IQCM: variants seen among roughly 807,000 people sequenced by gnomAD.
IQCM encodes IQ domain-containing protein M.
Under a neutral mutation model 57.6 loss-of-function variants are expected in IQCM, and 45 were observed. The ratio of observed to expected loss-of-function variants is 0.78; its 90% CI spans 0.62 to 1.00. The LOEUF (loss-of-function observed/expected upper bound fraction) is 1.00. Ranked by LOEUF, IQCM falls within the 50% of genes least tolerant of loss-of-function variation. The probability of loss-of-function intolerance (pLI) is 0.00; values close to 1 mark genes in which losing one functional copy is unlikely to be tolerated. For synonymous variants in IQCM, 148 were observed against 158.9 expected, an observed-to-expected ratio of 0.93 and a Z score of 0.51; for missense variants, 468 against 511.6, an observed-to-expected ratio of 0.91 and a Z score of 0.82.
At chr4:149,646,866 C>G (rs2150125676) in intron 7 of IQCM, among the ~76,000 whole-genome samples, 1 of 152,278 alleles carries the variant, frequency 6.6e-6, no homozygotes, top group Middle Eastern at 3.4e-3. Context: ...CGCCTGTAAT[C>G]TCAGCTACTC....
chr4:149,805,759 A>G (rs1036329111), intron 2 of IQCM, among the ~76,000 whole-genome samples: 15 of 152,154 alleles, frequency 9.9e-5, no homozygotes, highest in Non-Finnish European at 1.6e-4. Flanking sequence ...AAGGAAAAAA[A>G]CAGTTAATTC....
chr4:149,468,436 C>T (rs1261064059), intron 12 of IQCM, among the ~76,000 whole-genome samples: 2 of 152,204 alleles, frequency 1.3e-5, no homozygotes, highest in Non-Finnish European at 2.9e-5. Flanking sequence ...GGAGGGGCGT[C>T]CGCCATTGCT....
At chr4:149,682,296 A>C (rs1561150347) in intron 6 of IQCM, 90 bp from the exon 7 acceptor site, 4 of 484,260 alleles carry the variant, frequency 8.3e-6, no homozygotes, top group Non-Finnish European at 1.3e-5. Context: ...CTAAATGCTA[A>C]TCATAGAAAA....
chr4:149,771,491 C>T (rs1770577194), intron 2 of IQCM, among the ~76,000 whole-genome samples: 1 of 152,076 alleles, frequency 6.6e-6, no homozygotes, highest in Admixed American at 6.5e-5. Flanking sequence ...CAAAATATCC[C>T]ATTGTAGAGT....
intron 3 of IQCM, among the ~76,000 whole-genome samples, chr4:149,739,632 A>G (rs1767268731): frequency 6.6e-6 from 1 of 152,096 alleles, no homozygotes; most frequent in African/African-American, 2.4e-5. Context: ...TCATGTTATT[A>G]AAGTTCCCAA....
At chr4:149,393,525 T>C (rs540047845) in intron 13 of IQCM, among the ~76,000 whole-genome samples, 3 of 151,934 alleles carry the variant, frequency 2.0e-5, no homozygotes, top group Admixed American at 6.6e-5. Context: ...CATAAAGATA[T>C]ATAGAAATTC....
chr4:149,597,063 G>A (rs921567497), intron 8 of IQCM, among the ~76,000 whole-genome samples: 1 of 151,920 alleles, frequency 6.6e-6, no homozygotes, highest in African/African-American at 2.4e-5. Context: ...ATTTCTACAT[G>A]TTTAGAGAAA....
chr4:149,667,553 G>C (rs1258226823), intron 7 of IQCM, among the ~76,000 whole-genome samples: 3 of 151,974 alleles, frequency 2.0e-5, no homozygotes, highest in Admixed American at 6.6e-5. Context: ...TCCCCAGCAA[G>C]GGAACAAAAC....
At chr4:149,761,054 A>G (rs994066433) in intron 2 of IQCM, among the ~76,000 whole-genome samples, 1 of 152,106 alleles carries the variant, frequency 6.6e-6, no homozygotes, top group African/African-American at 2.4e-5. Context: ...AAATCACAAT[A>G]TAAAGGGGGG....
chr4:149,565,764 C>A (rs1396652474), intron 9 of IQCM, among the ~76,000 whole-genome samples: 1 of 152,012 alleles, frequency 6.6e-6, no homozygotes, highest in Non-Finnish European at 1.5e-5. Flanking sequence ...ATAACTGAGG[C>A]TGCTAGTTCT....
At chr4:149,719,384 C>T (rs1454828457) in intron 5 of IQCM, among the ~76,000 whole-genome samples, 2 of 151,578 alleles carry the variant, frequency 1.3e-5, no homozygotes, top group Non-Finnish European at 2.9e-5. Context: ...AAAGGTGTTT[C>T]CATTAGACCT....
intron 9 of IQCM, among the ~76,000 whole-genome samples, chr4:149,575,697 A>G (rs2149971114): frequency 6.6e-6 from 1 of 151,956 alleles, no homozygotes; most frequent in African/African-American, 2.4e-5. Context: ...ATGGAGATTG[A>G]TATCCCATTT....
rs141845737 is a variant in IQCM at position 149,368,754 on chromosome 4, A to G, written c.1391-16688T>C. ...TGAAAGGCACAAATTATATATATAC[A>G]TGTATATATATATATACATATATAT... On this transcript the variant is annotated intron_variant, in intron 13 of 13. Transcript: ENST00000636793. Among the ~76,000 whole-genome samples the G allele has an allele frequency of 1.4e-3, 140 of 103,548 alleles. 7 individuals carry two copies. The East Asian group carries it at 0.039, about 29-fold the overall frequency. 67.9% of individuals were successfully genotyped at this position (103,548 alleles called of 152,430 possible). A position where few individuals can be genotyped will look rare whatever the true frequency, so the allele number is the denominator to read the frequency against.
At chr4:149,650,102 A>G (rs1369192094) in intron 7 of IQCM, among the ~76,000 whole-genome samples, 1 of 152,112 alleles carries the variant, frequency 6.6e-6, no homozygotes, top group Non-Finnish European at 1.5e-5. Context: ...TTGACGTTCT[A>G]ACTTTGATAC....
At chr4:149,391,174 A>T (rs1731827616) in intron 13 of IQCM, among the ~76,000 whole-genome samples, 1 of 151,864 alleles carries the variant, frequency 6.6e-6, no homozygotes, top group Admixed American at 6.6e-5. Flanking sequence ...TGATCTCTCT[A>T]CTTGTTTAGG....
At chr4:149,497,711 A>T (rs1250180270) in intron 12 of IQCM, among the ~76,000 whole-genome samples, 1 of 151,144 alleles carries the variant, frequency 6.6e-6, no homozygotes, top group East Asian at 2.0e-4. Context: ...AAAGTCTATC[A>T]AGGGAAAAAA....
intron 11 of IQCM, among the ~76,000 whole-genome samples, chr4:149,551,851 G>A (rs960525824): frequency 6.8e-5 from 10 of 147,492 alleles, no homozygotes; most frequent in Admixed American, 4.8e-4. Flanking sequence ...GCTTCTTAAT[G>A]GGAGAAGGAT....
intron 9 of IQCM, among the ~76,000 whole-genome samples, chr4:149,571,952 C>A (rs1376163256): frequency 1.3e-5 from 2 of 152,016 alleles, no homozygotes; most frequent in Non-Finnish European, 2.9e-5. Flanking sequence ...GCACCTGCTA[C>A]CCTGTGACAA....
intron 7 of IQCM, among the ~76,000 whole-genome samples, chr4:149,680,716 T>A (rs1762117414): frequency 6.6e-6 from 1 of 151,456 alleles, no homozygotes; most frequent in Admixed American, 6.6e-5. Flanking sequence ...GGGTAGAACC[T>A]TTAGCAAATT....
Sources: gnomAD v4.1 joint callset for allele counts (sites outside exome capture counted in the v4.1 genomes callset) on GRCh38, gnomAD v4.1.1 for gene constraint, MANE v1.5 for transcripts, NCBI Gene and HGNC (gene_info 2026-07-23, HGNC 2026-07-21) for gene names.